PAK3: variants seen among roughly 807,000 people sequenced by gnomAD.
PAK3 encodes the protein p21 (RAC1) activated kinase 3.
PAK3 carries 4 observed loss-of-function variants against 41.0 expected under a neutral mutation model. That is an observed-to-expected ratio of 0.10 (90% confidence interval 0.05 to 0.22). PAK3 has a LOEUF of 0.22. Ranked by LOEUF, PAK3 falls within the 10% of genes least tolerant of loss-of-function variation. PAK3 has a pLI of 1.00. For synonymous variants in PAK3, 146 were observed against 139.6 expected (o/e 1.05, Z -0.32); for missense variants, 205 against 409.9 (o/e 0.50, Z 4.32).
rs768488485 is a variant in PAK3, at chrX:111,225,748, A to G, written c.*5301A>G. 5 of 112,340 alleles carry G rather than the reference A, an allele frequency of 4.5e-5. No homozygotes were observed. Among genetic ancestry groups the G allele is most frequent in the African/African-American group, 1.3e-4 (4 of 30,931 alleles). 9.3% of individuals were successfully genotyped at this position (112,340 alleles called of 1,213,427 possible). A position where few individuals can be genotyped will look rare whatever the true frequency, so the allele number is the denominator to read the frequency against. On this transcript the variant is annotated 3_prime_UTR_variant, in exon 18 of 18. Coordinates refer to ENST00000372007, the MANE Select transcript of PAK3 (RefSeq NM_002578.5). ...ACTAGATGATCCTTAGGGTCTTTCCAAAAGTCTAACATTCTATGGCATTAT... is the reference window on the plus strand; with the variant it reads ...ACTAGATGATCCTTAGGGTCTTTCCGAAAGTCTAACATTCTATGGCATTAT...
At chrX:110,986,754 C>T (rs889115082) in intron 1 of PAK3, among the ~76,000 whole-genome samples, 1 of 86,008 alleles carries the variant, frequency 1.2e-5, no homozygotes, top group Non-Finnish European at 2.4e-5. Flanking sequence ...ACCAAGTGTA[C>T]GCGTGTGTGT....
intron 4 of PAK3, among the ~76,000 whole-genome samples, chrX:111,118,161 G>C (rs2093499443): frequency 8.9e-6 from 1 of 112,204 alleles, no homozygotes; most frequent in South Asian, 3.7e-4. Context: ...TTTGTGGAAG[G>C]CTAGATGATT....
At chrX:111,058,088 A>G (rs1389010987) in intron 1 of PAK3, among the ~76,000 whole-genome samples, 2 of 112,154 alleles carry the variant, frequency 1.8e-5, no homozygotes, top group African/African-American at 6.5e-5. Context: ...CATTTGATGG[A>G]CATTTGGGTT....
chrX:111,104,281 A>G (rs1324754964), intron 4 of PAK3, among the ~76,000 whole-genome samples: 1 of 110,286 alleles, frequency 9.1e-6, no homozygotes, highest in Non-Finnish European at 1.9e-5. Context: ...TTGCTTAGGC[A>G]TCTCTCCTAT....
chrX:111,061,008 C>T (rs923147417), intron 1 of PAK3, among the ~76,000 whole-genome samples: 3 of 111,093 alleles, frequency 2.7e-5, no homozygotes, highest in African/African-American at 9.8e-5. Flanking sequence ...TTTCTTATTC[C>T]GTGAACTGTT....
At chrX:111,165,562 G>A (rs1467185071) in intron 10 of PAK3, among the ~76,000 whole-genome samples, 10 of 111,775 alleles carry the variant, frequency 8.9e-5, no homozygotes, top group Non-Finnish European at 1.7e-4. Context: ...CTGCATATCC[G>A]AACTGTCTAT....
At chrX:110,989,577 A>G (rs1294622733) in intron 1 of PAK3, among the ~76,000 whole-genome samples, 1 of 112,368 alleles carries the variant, frequency 8.9e-6, no homozygotes. Context: ...TGATCCAGAT[A>G]GAGTCCAAGG....
At chrX:111,207,787 G>C (rs1026848461) in intron 16 of PAK3, among the ~76,000 whole-genome samples, 1 of 111,602 alleles carries the variant, frequency 9.0e-6, no homozygotes, top group Non-Finnish European at 1.9e-5. Context: ...CTTAGTTTTT[G>C]GGGAGGTTTT....
intron 1 of PAK3, among the ~76,000 whole-genome samples, chrX:111,067,827 T>G (rs2092712385): frequency 9.0e-6 from 1 of 110,678 alleles, no homozygotes; most frequent in Admixed American, 9.6e-5. Flanking sequence ...TATAATTTTC[T>G]TTTTCTTTCT....
chrX:111,009,486 C>T (rs1286137912), intron 1 of PAK3, among the ~76,000 whole-genome samples: 1 of 17,985 alleles, frequency 5.6e-5, no homozygotes, highest in Non-Finnish European at 5.8e-3. Context: ...TGCCCATTGA[C>T]CTTAGTCTTC....
chrX:110,958,733 A>C (rs1023885974), intron 1 of PAK3, among the ~76,000 whole-genome samples: 1 of 111,742 alleles, frequency 8.9e-6, no homozygotes, highest in African/African-American at 3.3e-5. Context: ...TTTTGATGGT[A>C]GTTAACATGA....
At chrX:110,998,128 G>A (rs1477031519) in intron 1 of PAK3, among the ~76,000 whole-genome samples, 1 of 111,762 alleles carries the variant, frequency 8.9e-6, no homozygotes, top group Non-Finnish European at 1.9e-5. Flanking sequence ...TGAATTCATA[G>A]GAGAGGTCTG....
intron 1 of PAK3, among the ~76,000 whole-genome samples, chrX:111,076,662 A>G (rs1348367065): frequency 8.9e-6 from 1 of 112,117 alleles, no homozygotes; most frequent in African/African-American, 3.2e-5. Context: ...CTAACACAGA[A>G]GGAATGTATT....
intron 1 of PAK3, among the ~76,000 whole-genome samples, chrX:111,036,505 C>T (rs2092400374): frequency 8.9e-6 from 1 of 111,924 alleles, no homozygotes; most frequent in African/African-American, 3.2e-5. Context: ...AAGGGGGAAC[C>T]CCCTTATAAA....
chrX:111,149,992 C>A (rs2094003043), intron 7 of PAK3, among the ~76,000 whole-genome samples: 1 of 112,394 alleles, frequency 8.9e-6, no homozygotes, highest in Non-Finnish European at 1.9e-5. Flanking sequence ...AACTGAATGC[C>A]TTTAACAGCA....
At chrX:111,028,561 A>T (rs1401578273) in intron 1 of PAK3, among the ~76,000 whole-genome samples, 1 of 111,798 alleles carries the variant, frequency 8.9e-6, no homozygotes, top group Non-Finnish European at 1.9e-5. Context: ...TTTAACAAAA[A>T]AAAAGCAATT....
At chrX:110,958,026 T>C (rs146706936) in intron 1 of PAK3, among the ~76,000 whole-genome samples, 5 of 111,532 alleles carry the variant, frequency 4.5e-5, no homozygotes, top group African/African-American at 6.5e-5. Flanking sequence ...GGAGACTTCA[T>C]TGAGATGGTT....
chrX:111,213,277 G>A (rs2094840541), intron 16 of PAK3, among the ~76,000 whole-genome samples: 1 of 111,907 alleles, frequency 8.9e-6, no homozygotes, highest in African/African-American at 3.2e-5. Context: ...GTAGAGGTTC[G>A]TAGCACTGGC....
At chrX:111,101,434 T>C (rs181722103) in intron 3 of PAK3, among the ~76,000 whole-genome samples, 27 of 111,865 alleles carry the variant, frequency 2.4e-4, no homozygotes, top group Non-Finnish European at 1.3e-4. Flanking sequence ...GGTGCTACAA[T>C]TGAGGCTGGG....
Sources: gnomAD v4.1 joint callset for allele counts (sites outside exome capture counted in the v4.1 genomes callset) on GRCh38, gnomAD v4.1.1 for gene constraint, MANE v1.5 for transcripts, NCBI Gene and HGNC (gene_info 2026-07-23, HGNC 2026-07-21) for gene names.